FMN2: variants seen among roughly 807,000 people sequenced by gnomAD.
FMN2 encodes the protein formin 2.
A neutral mutation model predicts 142.3 loss-of-function variants in FMN2; 51 were observed. The observed-to-expected ratio is 0.36, with a 90% CI of 0.29 to 0.45. The LOEUF (loss-of-function observed/expected upper bound fraction) is 0.45, where lower values mean the gene tolerates loss of function less well. Ranked by LOEUF, FMN2 falls within the 20% of genes least tolerant of loss-of-function variation. The pLI is 1.00. For synonymous variants in FMN2, 882 were observed against 869.8 expected, an observed-to-expected ratio of 1.01 and a Z score of -0.25; for missense variants, 1,936 against 2,122.8, an observed-to-expected ratio of 0.91 and a Z score of 1.73.
intron 6 of FMN2, among the ~76,000 whole-genome samples, chr1:240,233,245 G>A (rs1667587972): frequency 6.6e-6 from 1 of 152,004 alleles, no homozygotes; most frequent in Admixed American, 6.6e-5. Flanking sequence ...TCCGGGCTTG[G>A]TGGCGGGCAC....
At chr1:240,335,794 C>A (rs1671534430) in intron 13 of FMN2, among the ~76,000 whole-genome samples, 1 of 152,076 alleles carries the variant, frequency 6.6e-6, no homozygotes, top group Admixed American at 6.6e-5. Flanking sequence ...CAAGTTCTTG[C>A]AAGACTTGGA....
At chr1:240,454,247 G>GAT (rs1478184463) in intron 16 of FMN2, among the ~76,000 whole-genome samples, 1 of 152,034 alleles carries the variant, frequency 6.6e-6, no homozygotes, top group Non-Finnish European at 1.5e-5. Context: ...TCTTCATTAA[G>GAT]ATATGGCTTT....
At chr1:240,352,195 C>G (rs35280190) in intron 13 of FMN2, among the ~76,000 whole-genome samples, 48,205 of 152,006 alleles carry the variant, frequency 0.32, 8,001 homozygotes, top group Admixed American at 0.44. Context: ...AAGACAAGCT[C>G]GCTGAGGACA....
chr1:240,329,485 A>C lies in FMN2; in HGVS notation c.4437+17A>C, dbSNP rs549475298. On this transcript the variant is annotated intron_variant, in intron 10 of 17. Transcript: ENST00000319653. ...TTGTGTGAGGTGAGTTCTGGTCCAA[A>C]GAGAGCTGAACTTGAGTCTCATTTA... is the stretch of plus-strand genomic sequence containing the variant. 1.9e-6 allele frequency: 3 copies of C among 1,609,868 alleles called. No individual in the cohort carries two copies. The South Asian group carries it at 3.3e-5, about 18-fold the overall frequency.
intron 13 of FMN2, among the ~76,000 whole-genome samples, chr1:240,351,273 A>G (rs1240881376): frequency 6.6e-6 from 1 of 152,186 alleles, no homozygotes; most frequent in Non-Finnish European, 1.5e-5. Context: ...TACTCAGTAT[A>G]CAGTTGGGAA....
intron 6 of FMN2, among the ~76,000 whole-genome samples, chr1:240,217,355 TC>T (rs1377260416): frequency 6.6e-6 from 1 of 152,214 alleles, no homozygotes; most frequent in African/African-American, 2.4e-5. Flanking sequence ...TGTTAATTGT[TC>T]CAGTTGTAGT....
intron 7 of FMN2, among the ~76,000 whole-genome samples, chr1:240,290,693 C>T (rs1669749191): frequency 1.3e-5 from 2 of 150,634 alleles, no homozygotes; most frequent in African/African-American, 4.9e-5. Flanking sequence ...TTACTATGTT[C>T]TACTCTCTAT....
rs1278257077 is a variant in FMN2, at chr1:240,091,921, C to T, written c.-189C>T. The T allele has an allele frequency of 1.7e-5, 17 of 1,005,818 alleles. No individual in the cohort carries two copies. The highest frequency in any genetic ancestry group is 3.3e-5 in the East Asian group (1 of 30,226). The allele number at this position is 1,005,818 out of a possible 1,614,324, so 62.3% of individuals were successfully genotyped here. On this transcript the variant is annotated 5_prime_UTR_variant, in exon 1 of 18. Transcript: ENST00000319653. ...CAGCGACGGCAGCCACGGGAGCCGC[C>T]GCGCATTATGCAAAGCGGCGGCAGA... is the stretch of plus-strand genomic sequence containing the variant.
chr1:240,208,732 G>A lies in FMN2; in HGVS notation c.3920G>A (p.Arg1307Lys), dbSNP rs1179690206. ...ACCAGGATTCAACTACATAGTAAAA[G>A]GTAACATGAAAGTGAGCTCGTCTTT... ...YWTRIQLHSK[R>K]DSSTSLIWEK... Residue 1307 changes from arginine to lysine, a missense_variant and splice_region_variant, in exon 5 of 18, where the codon AGA becomes AAA. Coordinates refer to ENST00000319653, the MANE Select transcript of FMN2 (RefSeq NM_020066.5). The A allele has an allele frequency of 6.2e-7, 1 of 1,603,014 alleles. No homozygotes were observed. The highest frequency in any genetic ancestry group is 1.3e-5 in the African/African-American group (1 of 74,706).
chr1:240,253,377 C>T (rs531178428), intron 6 of FMN2, among the ~76,000 whole-genome samples: 40 of 152,206 alleles, frequency 2.6e-4, no homozygotes, highest in African/African-American at 9.4e-4. Flanking sequence ...TAGTTTATTG[C>T]TGAAGCTTTC....
chr1:240,407,828 T>C (rs996722158), intron 15 of FMN2, among the ~76,000 whole-genome samples: 8 of 152,168 alleles, frequency 5.3e-5, no homozygotes, highest in Non-Finnish European at 8.8e-5. Context: ...ACAAAGTCTC[T>C]TAAGGAGAAA....
At chr1:240,125,483 G>A (rs1662457547) in intron 2 of FMN2, among the ~76,000 whole-genome samples, 2 of 152,188 alleles carry the variant, frequency 1.3e-5, no homozygotes, top group South Asian at 4.1e-4. Context: ...GAATGATGGT[G>A]TGTTAAATGT....
intron 16 of FMN2, among the ~76,000 whole-genome samples, chr1:240,455,094 C>A (rs1048704887): frequency 2.0e-5 from 3 of 151,868 alleles, no homozygotes; most frequent in Admixed American, 2.0e-4. Flanking sequence ...TTACAATCCA[C>A]TAGTGTGTCC....
chr1:240,189,174 TAAAAA>T (rs35564573), intron 4 of FMN2, among the ~76,000 whole-genome samples: 1 of 146,238 alleles, frequency 6.8e-6, no homozygotes, highest in Non-Finnish European at 1.5e-5. Context: ...GATTTCTTAT[TAAAAA>T]AAAAAAACTG....
intron 8 of FMN2, among the ~76,000 whole-genome samples, chr1:240,298,188 A>T (rs1366960345): frequency 6.6e-6 from 1 of 152,202 alleles, no homozygotes; most frequent in Non-Finnish European, 1.5e-5. Context: ...TCATTGTTTC[A>T]GGAAAACAAT....
intron 2 of FMN2, among the ~76,000 whole-genome samples, chr1:240,167,396 C>T (rs1664523607): frequency 6.6e-6 from 1 of 152,174 alleles, no homozygotes; most frequent in South Asian, 2.1e-4. Context: ...GAATTTCCCA[C>T]TTTGTCCTCC....
At position 240,207,562 on chromosome 1, in the gene FMN2, G is replaced by C. The variant is rs1482057155; in HGVS notation, c.2750G>C (p.Gly917Ala). 1.2e-5 allele frequency: 20 copies of C among 1,605,898 alleles called. No homozygotes were observed. The highest frequency in any genetic ancestry group is 1.6e-5 in the Non-Finnish European group (19 of 1,177,900). Residue 917 changes from glycine (G) to alanine (A), a missense_variant, in exon 5 of 18, where the codon GGA (glycine) becomes GCA (alanine). This residue lies in a region of FMN2 where 478 missense variants were observed against 462.8 expected (regional missense o/e 1.03). Coordinates refer to ENST00000319653, the MANE Select transcript of FMN2 (RefSeq NM_020066.5). ...CCACCCCCTCCCCCTCCTCTTCCCG[G>C]AGCGGGCATACCTCCTCCGCCGCCT... is the stretch of plus-strand genomic sequence containing the variant. Reference protein sequence around the residue: ...MLPPPPPPLPGAGIPPPPPLP... With the variant: ...MLPPPPPPLPAAGIPPPPPLP...
Position 240,304,064 on chromosome 1 carries a change from T to C in FMN2, c.4215+9181T>C, listed in dbSNP as rs558914872. Among the ~76,000 whole-genome samples the C allele has an allele frequency of 2.0e-5, 3 of 152,284 alleles. No homozygotes were observed. The East Asian group carries it at 5.8e-4, about 29-fold the overall frequency. ...TTCTATCTCTTTATTAATATTGCCA[T>C]TTTGTCTGTACATTGTTTTCTTGGC... On this transcript the variant is annotated intron_variant, in intron 8 of 17. Coordinates refer to ENST00000319653, the MANE Select transcript of FMN2 (RefSeq NM_020066.5).
Position 240,334,217 on chromosome 1 carries a change from A to G in FMN2, c.4753A>G (p.Lys1585Glu), listed in dbSNP as rs747510907. Residue 1585 changes from lysine to glutamate, a missense_variant, in exon 13 of 18, where the codon AAA becomes GAA. Physicochemically the swap from Lys to Glu is moderately conservative, Grantham distance 56. Coordinates refer to ENST00000319653, the MANE Select transcript of FMN2 (RefSeq NM_020066.5). ...DFQKDLRKLK[K>E]DLKACEVEAG... The stretch of plus-strand genomic sequence containing the variant: ...TCAAAAAGATCTCAGAAAACTGAAG[A>G]AAGACTTGAAAGGTAACTTAAAATC... 1.1e-5 allele frequency: 18 copies of G among 1,598,038 alleles called. No individual in the cohort carries two copies. The highest frequency in any genetic ancestry group is 1.5e-5 in the Non-Finnish European group (18 of 1,176,000).
Sources: gnomAD v4.1 joint callset for allele counts (sites outside exome capture counted in the v4.1 genomes callset) on GRCh38, gnomAD v4.1.1 for gene constraint, gnomAD v4.1.1 regional missense constraint, MANE v1.5 for transcripts, NCBI Gene and HGNC (gene_info 2026-07-23, HGNC 2026-07-21) for gene names.